Variants in TUG1 observed in about 807,000 individuals in gnomAD.
TUG1 encodes taurine upregulated gene 1.
At chr22:30,977,416 A>G (rs1409119630) in exon 3 of TUG1, 1 of 152,134 alleles carries the variant, frequency 6.6e-6, no homozygotes, top group African/African-American at 2.4e-5. Flanking sequence ...TGTAGCATAG[A>G]CTCCTAAACA....
exon 3 of TUG1, chr22:30,977,144 T>C (rs2041297668): frequency 6.6e-6 from 1 of 152,182 alleles, no homozygotes; most frequent in African/African-American, 2.4e-5. Context: ...GTCTAAAATA[T>C]ACATTGTATA....
chr22:30,974,336 T>C (rs1271561922), intron 2 of TUG1: 1 of 140,712 alleles, frequency 7.1e-6, no homozygotes, highest in African/African-American at 2.8e-5. Flanking sequence ...TGTGCTTAAA[T>C]TCAGAAGTCT....
At chr22:30,977,833 C>CAA (rs1432765069) in exon 3 of TUG1, 1 of 152,208 alleles carries the variant, frequency 6.6e-6, no homozygotes, top group Non-Finnish European at 1.5e-5. Flanking sequence ...CACTAGGACT[C>CAA]AATGTTCACA....
intron 2 of TUG1, 151 bp from the exon 3 acceptor site, chr22:30,975,019 A>G (rs999731496): frequency 2.6e-5 from 4 of 152,254 alleles, no homozygotes; most frequent in African/African-American, 4.8e-5. Context: ...TACAAGCCCA[A>G]CTGCAGGCAA....
chr22:30,974,373 A>AG (rs2041265655), intron 2 of TUG1: 1 of 151,558 alleles, frequency 6.6e-6, no homozygotes, highest in Admixed American at 6.6e-5. Flanking sequence ...GACTTCTAGT[A>AG]AAGAGTTCCA....
At chr22:30,971,231 A>G (rs571266032) in exon 1 of TUG1, 1 of 152,336 alleles carries the variant, frequency 6.6e-6, no homozygotes, top group South Asian at 2.1e-4. Context: ...AAATCAATTG[A>G]CTATTCCCTT....
chr22:30,973,388 A>G (rs1012144822), exon 2 of TUG1: 4 of 152,170 alleles, frequency 2.6e-5, no homozygotes. Context: ...GTAGTAGCCT[A>G]CTGAATGAGA....
At chr22:30,979,116 C>G (rs1371714383) in exon 3 of TUG1, 1 of 151,972 alleles carries the variant, frequency 6.6e-6, no homozygotes, top group African/African-American at 2.4e-5. Flanking sequence ...ATAGGAATAT[C>G]TCGTATCTGT....
chr22:30,977,760 A>G (rs180996824), exon 3 of TUG1: 8 of 152,208 alleles, frequency 5.3e-5, no homozygotes, highest in African/African-American at 1.7e-4. Context: ...ACTACAGTCA[A>G]TTTCAGTCTA....
exon 3 of TUG1, chr22:30,976,323 C>T (rs939886006): frequency 3.3e-5 from 5 of 152,092 alleles, no homozygotes; most frequent in African/African-American, 1.2e-4. Context: ...TCTGATACCA[C>T]CAAATATAGG....
At chr22:30,971,134 C>A (rs1049555151) in exon 1 of TUG1, 1 of 152,042 alleles carries the variant, frequency 6.6e-6, no homozygotes, top group African/African-American at 2.4e-5. Context: ...GTGGTACAGC[C>A]CTAAGCAAGT....
intron 2 of TUG1, chr22:30,974,842 G>A (rs986421419): frequency 1.3e-5 from 2 of 152,162 alleles, no homozygotes; most frequent in Admixed American, 6.5e-5. Flanking sequence ...GGGATGAGGA[G>A]ATATTTTCTT....
chr22:30,972,375 T>A (rs2041240637), intron 1 of TUG1: 1 of 152,244 alleles, frequency 6.6e-6, no homozygotes, highest in East Asian at 1.9e-4. Flanking sequence ...TTCTCCTACT[T>A]AAGATGGAAT....
exon 3 of TUG1, chr22:30,978,191 GGGCTCTCA>G (rs1328126834): frequency 6.6e-6 from 1 of 152,184 alleles, no homozygotes; most frequent in East Asian, 1.9e-4. Context: ...CAGGACAGTT[GGGCTCTCA>G]GACTCATGAC....
At position 30,975,005 on chromosome 22, in the gene TUG1, T is replaced by C. The variant is rs575402423; in HGVS notation, c.*2695-165T>C. 6 of 152,364 alleles carry C rather than the reference T, an allele frequency of 3.9e-5. 1 individual carries two copies. Among genetic ancestry groups the C allele is most frequent in the South Asian group, 4.1e-4 (2 of 4,830 alleles). 9.4% of individuals were successfully genotyped at this position (152,364 alleles called of 1,614,324 possible). A position where few individuals can be genotyped will look rare whatever the true frequency, so the allele number is the denominator to read the frequency against. Reference sequence around the variant, plus strand: ...ATCATTAGCCTTGTTCTCTGATAGATACTTACAAGCCCAACTGCAGGCAAT... The same window carrying C: ...ATCATTAGCCTTGTTCTCTGATAGACACTTACAAGCCCAACTGCAGGCAAT... On this transcript the variant is annotated intron_variant, in intron 2 of 2. Coordinates refer to ENST00000644773, the Ensembl canonical transcript of TUG1.
At chr22:30,972,370 C>T (rs1028171634) in intron 1 of TUG1, 2 of 142,128 alleles carry the variant, frequency 1.4e-5, no homozygotes, top group Admixed American at 8.2e-5. Flanking sequence ...TTATTTTCTC[C>T]TACTTAAGAT....
rs547571914 is a variant in TUG1 at position 30,969,283 on chromosome 22, G to T, written c.-74G>T. 1.6e-3 allele frequency: 245 copies of T among 152,586 alleles called. 1 individual carries two copies. Among genetic ancestry groups the T allele is most frequent in the Non-Finnish European group, 3.0e-3 (207 of 68,072 alleles). The allele number at this position is 152,586 out of a possible 1,614,324, so 9.5% of individuals were successfully genotyped here. Reference sequence around the variant, plus strand: ...GCGGGCCGAGCGACGCAGCCGGGACGGTAGCTGCGGTGCGGACCGGAGGAG... The same window carrying T: ...GCGGGCCGAGCGACGCAGCCGGGACTGTAGCTGCGGTGCGGACCGGAGGAG... On this transcript the variant is annotated 5_prime_UTR_variant, in exon 1 of 3. Transcript: ENST00000644773.
At chr22:30,970,961 G>T (rs1378523315) in exon 1 of TUG1, 1 of 152,142 alleles carries the variant, frequency 6.6e-6, no homozygotes, top group Non-Finnish European at 1.5e-5. Flanking sequence ...TGTTCTAATT[G>T]CTTGCAAGTG....
At chr22:30,971,277 G>T (rs1034438435) in exon 1 of TUG1, 1 of 152,096 alleles carries the variant, frequency 6.6e-6, no homozygotes, top group African/African-American at 2.4e-5. Flanking sequence ...CTCACTTCCA[G>T]AGAAATGACT....
Sources: gnomAD v4.1 joint callset for allele counts on GRCh38, gnomAD v4.1.1 for gene constraint, MANE v1.5 for transcripts, NCBI Gene and HGNC (gene_info 2026-07-23, HGNC 2026-07-21) for gene names.